Variants in RAB2A observed in about 807,000 individuals in gnomAD.
The protein encoded by RAB2A is RAB2A, member RAS oncogene family.
Under a neutral mutation model 32.5 loss-of-function variants are expected in RAB2A, and 7 were observed. That is an observed-to-expected ratio of 0.22 (90% confidence interval 0.12 to 0.40). The LOEUF is 0.40. RAB2A is among the 10% of genes least tolerant of loss of function. The pLI is 1.00. For missense variants in RAB2A, 108 were observed against 260.7 expected, an observed-to-expected ratio of 0.41 and a Z score of 4.03; for synonymous variants, 79 against 85.2, an observed-to-expected ratio of 0.93 and a Z score of 0.40.
intron 1 of RAB2A, among the ~76,000 whole-genome samples, chr8:60,531,960 G>A (rs772464664): frequency 3.3e-5 from 5 of 151,842 alleles, no homozygotes; most frequent in African/African-American, 1.2e-4. Context: ...GCACTGCCAC[G>A]CCCAACTAAT....
chr8:60,537,345 C>T (rs954164750), intron 1 of RAB2A, among the ~76,000 whole-genome samples: 106 of 152,260 alleles, frequency 7.0e-4, no homozygotes, highest in African/African-American at 2.5e-3. Flanking sequence ...CCCCAGCCTC[C>T]CAAGTAGCTG....
chr8:60,543,075 G>A (rs958105378), intron 1 of RAB2A, among the ~76,000 whole-genome samples: 1 of 152,122 alleles, frequency 6.6e-6, no homozygotes, highest in Non-Finnish European at 1.5e-5. Context: ...GATTGCACTA[G>A]GAATTATTAT....
intron 3 of RAB2A, among the ~76,000 whole-genome samples, chr8:60,581,946 CTT>C (rs386412883): frequency 1.1e-4 from 15 of 140,326 alleles, no homozygotes; most frequent in Admixed American, 4.3e-4. Flanking sequence ...GTTTTTCTTT[CTT>C]TTTTTTTTTT....
chr8:60,530,270 CAAG>C (rs1279875611), intron 1 of RAB2A, among the ~76,000 whole-genome samples: 1 of 151,694 alleles, frequency 6.6e-6, no homozygotes, highest in Non-Finnish European at 1.5e-5. Flanking sequence ...CTCAGCCTCT[CAAG>C]TAGCTGGGAT....
At position 60,557,937 on chromosome 8, in the gene RAB2A, C is replaced by G. The variant is rs1391249075; in HGVS notation, c.47-915C>G. 8.5e-5 allele frequency among the ~76,000 whole-genome samples: 13 copies of G among 152,108 alleles called. 1 individual carries two copies. Among genetic ancestry groups the G allele is most frequent in the Non-Finnish European group, 1.5e-4 (10 of 68,032 alleles). On this transcript the variant is annotated intron_variant, in intron 1 of 7. Coordinates refer to ENST00000262646, the MANE Select transcript of RAB2A (RefSeq NM_002865.3). Reference sequence around the variant, plus strand: ...ATAATTATTTCAAATTATTCATATACAGTATATTATTTCAGTATTCAGTTT... The same window carrying G: ...ATAATTATTTCAAATTATTCATATAGAGTATATTATTTCAGTATTCAGTTT...
At chr8:60,597,766 A>G (rs886545203) in intron 6 of RAB2A, among the ~76,000 whole-genome samples, 1 of 152,234 alleles carries the variant, frequency 6.6e-6, no homozygotes, top group Non-Finnish European at 1.5e-5. Flanking sequence ...TGGATTTTTT[A>G]AAAACTTCAG....
At chr8:60,599,661 AAGT>A (rs1472701566) in intron 6 of RAB2A, among the ~76,000 whole-genome samples, 1 of 152,192 alleles carries the variant, frequency 6.6e-6, no homozygotes, top group Non-Finnish European at 1.5e-5. Flanking sequence ...AAAGGTGCAA[AAGT>A]AGTTAAATGG....
At chr8:60,589,961 CT>C (rs762475949) in intron 5 of RAB2A, among the ~76,000 whole-genome samples, 10 of 148,812 alleles carry the variant, frequency 6.7e-5, no homozygotes, top group East Asian at 3.9e-4. Context: ...TATATTGTTT[CT>C]TTTTTTTTTC....
intron 3 of RAB2A, among the ~76,000 whole-genome samples, chr8:60,583,126 TA>T (rs79256678): frequency 0.13 from 19,752 of 151,952 alleles, 1,638 homozygotes; most frequent in East Asian, 0.26. Context: ...CAGGGTAGAA[TA>T]TGAGCCGTCC....
intron 7 of RAB2A, 27 bp downstream of exon 7, chr8:60,618,675 A>G (rs746415458): frequency 2.1e-5 from 19 of 919,882 alleles, no homozygotes; most frequent in Non-Finnish European, 2.8e-5. Context: ...ATTGTTGGTC[A>G]ATATTAATTT....
intron 3 of RAB2A, among the ~76,000 whole-genome samples, chr8:60,581,184 T>A (rs752764714): frequency 1.3e-5 from 2 of 152,220 alleles, no homozygotes; most frequent in Non-Finnish European, 2.9e-5. Flanking sequence ...CTTTTTGAGC[T>A]TTCACATGAC....
chr8:60,549,389 G>T (rs1586076247), intron 1 of RAB2A, among the ~76,000 whole-genome samples: 2 of 152,164 alleles, frequency 1.3e-5, no homozygotes. Context: ...TGCAATCCCA[G>T]CACCTCGGGA....
intron 2 of RAB2A, among the ~76,000 whole-genome samples, chr8:60,560,727 TTTTTTTG>T (rs1293323330): frequency 2.1e-5 from 3 of 143,548 alleles, no homozygotes; most frequent in African/African-American, 5.2e-5. Context: ...ACTATGAGAT[TTTTTTTG>T]TTTTTTGTTT....
At chr8:60,587,990 C>A (rs965708067) in intron 5 of RAB2A, among the ~76,000 whole-genome samples, 2 of 152,166 alleles carry the variant, frequency 1.3e-5, no homozygotes, top group African/African-American at 2.4e-5. Flanking sequence ...TAAAATGATA[C>A]AATCACTTTG....
At chr8:60,562,417 A>G (rs989351380) in intron 2 of RAB2A, among the ~76,000 whole-genome samples, 1 of 152,170 alleles carries the variant, frequency 6.6e-6, no homozygotes. Context: ...GGGAAACTAC[A>G]CCCAGTACAC....
chr8:60,614,238 T>TTTTTTTTTTTTTTTTTTTG (rs1554560317), intron 6 of RAB2A, among the ~76,000 whole-genome samples: 1 of 149,886 alleles, frequency 6.7e-6, no homozygotes, highest in South Asian at 2.1e-4. Flanking sequence ...TGCATTCTTC[T>TTTTTTTTTTTTTTTTTTTG]ATCGGTTAGT....
chr8:60,561,797 C>T (rs773427667), intron 2 of RAB2A, among the ~76,000 whole-genome samples: 10 of 152,104 alleles, frequency 6.6e-5, no homozygotes, highest in Non-Finnish European at 1.5e-4. Flanking sequence ...AATTGGTAGT[C>T]GTAGGAGCAA....
chr8:60,619,396 A>C (rs114762873), intron 7 of RAB2A, among the ~76,000 whole-genome samples: 238 of 152,250 alleles, frequency 1.6e-3, no homozygotes, highest in African/African-American at 5.4e-3. Context: ...TGGCTTCTGA[A>C]AGAAAAGCCC....
intron 6 of RAB2A, among the ~76,000 whole-genome samples, chr8:60,608,274 T>C (rs1272849338): frequency 1.3e-5 from 2 of 152,144 alleles, no homozygotes; most frequent in African/African-American, 4.8e-5. Context: ...TTAACAGTAA[T>C]GATGACTGTA....
Sources: allele counts gnomAD v4.1 joint callset (sites outside exome capture counted in the v4.1 genomes callset), GRCh38; gene constraint gnomAD v4.1.1; transcripts MANE v1.5; gene names NCBI Gene and HGNC (gene_info 2026-07-23, HGNC 2026-07-21).